Variants in SLC7A11 observed in about 807,000 individuals in gnomAD.
The protein encoded by SLC7A11 is solute carrier family 7 member 11, also known as cystine/glutamate transporter.
Under a neutral mutation model 54.5 loss-of-function variants are expected in SLC7A11, and 35 were observed. The ratio of observed to expected loss-of-function variants is 0.64; its 90% CI spans 0.49 to 0.85. SLC7A11 has a LOEUF of 0.85. Ranked by LOEUF, SLC7A11 falls within the 40% of genes least tolerant of loss-of-function variation. The pLI is 0.00. For synonymous variants in SLC7A11, 230 were observed against 225.2 expected (o/e 1.02, Z -0.19); for missense variants, 583 against 618.1 (o/e 0.94, Z 0.60).
chr4:138,236,362 C>G lies in SLC7A11; in HGVS notation c.367G>C (p.Ala123Pro). The change falls in exon 2 of 12, where the codon GCT becomes CCT. Residue 123 changes from alanine (A) to proline (P), a missense_variant. By Grantham distance (27) the Ala-to-Pro change is conservative. Transcript: ENST00000280612. ...AGTTCCACCCAGACTCGTACAAAAG[C>G]TGGTAATGGACCAAAGACTTCCAAA... is the stretch of plus-strand genomic sequence containing the variant. Reference protein sequence around the residue: ...YILEVFGPLPAFVRVWVELLI... With the variant: ...YILEVFGPLPPFVRVWVELLI... 6.2e-7 allele frequency: 1 copy of G among 1,613,448 alleles called. No individual in the cohort carries two copies. The highest frequency in any genetic ancestry group is 8.5e-7 in the Non-Finnish European group (1 of 1,179,604).
rs112006542 is a variant in SLC7A11 at position 138,184,641 on chromosome 4, C to T, written c.915+480G>A. Among the ~76,000 whole-genome samples the T allele has an allele frequency of 2.8e-3, 422 of 152,070 alleles. 4 individuals are homozygous for T. The highest frequency in any genetic ancestry group is 9.7e-3 in the African/African-American group (402 of 41,520). ...CAGTATTTCCTAAATTTATTAATATCGCAGGACTAGTATTCAAAAGGATAT... is the reference window on the plus strand; with the variant it reads ...CAGTATTTCCTAAATTTATTAATATTGCAGGACTAGTATTCAAAAGGATAT... On this transcript the variant is annotated intron_variant, in intron 7 of 11. Transcript: ENST00000280612.
chr4:138,228,774 AAAAAAAAAGAAC>A (rs1263751972), intron 3 of SLC7A11, among the ~76,000 whole-genome samples: 2 of 151,178 alleles, frequency 1.3e-5, no homozygotes, highest in Middle Eastern at 3.2e-3. Flanking sequence ...AAAAAAAAAA[AAAAAAAAAGAAC>A]AAACGAAAGT....
chr4:138,221,382 C>A (rs1307572151), intron 4 of SLC7A11, among the ~76,000 whole-genome samples: 2 of 152,114 alleles, frequency 1.3e-5, no homozygotes, highest in Non-Finnish European at 2.9e-5. Flanking sequence ...AATAAAAGCA[C>A]AATCTGTATT....
At chr4:138,172,539 G>C (rs1450306235) in intron 11 of SLC7A11, among the ~76,000 whole-genome samples, 1 of 152,056 alleles carries the variant, frequency 6.6e-6, no homozygotes, top group Admixed American at 6.6e-5. Flanking sequence ...CTCAAAGTGC[G>C]GTCCCTGGAC....
chr4:138,187,115 T>C (rs531756101), intron 6 of SLC7A11, among the ~76,000 whole-genome samples: 3 of 152,236 alleles, frequency 2.0e-5, no homozygotes, highest in East Asian at 1.9e-4. Context: ...AAATTTGGGA[T>C]TGTGGCTCTC....
At chr4:138,210,303 C>A (rs1737517242) in intron 6 of SLC7A11, among the ~76,000 whole-genome samples, 1 of 151,772 alleles carries the variant, frequency 6.6e-6, no homozygotes, top group African/African-American at 2.4e-5. Context: ...AGAAGAAAAC[C>A]TAGGAAGTAC....
chr4:138,191,178 G>C (rs1416071393), intron 6 of SLC7A11, among the ~76,000 whole-genome samples: 3 of 152,096 alleles, frequency 2.0e-5, no homozygotes, highest in Non-Finnish European at 4.4e-5. Context: ...TGATGATTCT[G>C]GGCCAAGGCT....
chr4:138,188,311 C>T (rs1736925261), intron 6 of SLC7A11, among the ~76,000 whole-genome samples: 1 of 152,170 alleles, frequency 6.6e-6, no homozygotes, highest in South Asian at 2.1e-4. Context: ...GATCCTCCTG[C>T]CTCGGCCTAC....
At chr4:138,199,385 G>A (rs1737219659) in intron 6 of SLC7A11, among the ~76,000 whole-genome samples, 1 of 151,998 alleles carries the variant, frequency 6.6e-6, no homozygotes, top group African/African-American at 2.4e-5. Flanking sequence ...CAATCATAAA[G>A]TTTTACTTTG....
chr4:138,189,145 T>A (rs1372537844), intron 6 of SLC7A11, among the ~76,000 whole-genome samples: 1 of 152,190 alleles, frequency 6.6e-6, no homozygotes, highest in African/African-American at 2.4e-5. Flanking sequence ...AAACATGTGC[T>A]TAGAAGCATT....
chr4:138,180,539 TGCTGCCC>T lies in SLC7A11; in HGVS notation c.1266+95_1266+101del. 7 of 1,146,966 alleles carry T rather than the reference TGCTGCCC, an allele frequency of 6.1e-6. No individual in the cohort carries two copies. The South Asian group carries it at 1.2e-4, about 19-fold the overall frequency. The allele number at this position is 1,146,966 out of a possible 1,614,324, so 71.0% of individuals were successfully genotyped here. ...GAGTTAAACATTTTTATTCCACAGATGCTGCCCCCAGCCCAACCTCCCCATCAGCAAG... is the reference window on the plus strand; with the variant it reads ...GAGTTAAACATTTTTATTCCACAGATCCAGCCCAACCTCCCCATCAGCAAG... On this transcript the variant is annotated intron_variant, in intron 10 of 11. Coordinates refer to ENST00000280612, the MANE Select transcript of SLC7A11 (RefSeq NM_014331.4).
At chr4:138,232,096 G>A (rs1430581879) in intron 3 of SLC7A11, among the ~76,000 whole-genome samples, 171 bp downstream of exon 3, 3 of 152,118 alleles carry the variant, frequency 2.0e-5, no homozygotes, top group African/African-American at 7.2e-5. Flanking sequence ...AACTGGCATG[G>A]AATACAGTAT....
At chr4:138,196,824 T>G (rs149331883) in intron 6 of SLC7A11, among the ~76,000 whole-genome samples, 4,195 of 152,122 alleles carry the variant, frequency 0.028, 214 homozygotes, top group African/African-American at 0.096. Context: ...CACACTCAGC[T>G]TATTTTTGTA....
At chr4:138,241,493 G>GT (rs1738377225) in intron 1 of SLC7A11, among the ~76,000 whole-genome samples, 2 of 152,088 alleles carry the variant, frequency 1.3e-5, no homozygotes, top group Non-Finnish European at 2.9e-5. Context: ...AAGTGTGCAT[G>GT]TTTTTTACTG....
At chr4:138,236,983 C>CTTTTTTTTTTTTTT (rs34896335) in intron 1 of SLC7A11, among the ~76,000 whole-genome samples, 1 of 111,920 alleles carries the variant, frequency 8.9e-6, no homozygotes, top group Non-Finnish European at 1.7e-5. Flanking sequence ...TGCAAGATTT[C>CTTTTTTTTTTTTTT]TTTTTTTTTT....
In SLC7A11 at chr4:138,170,759, G is replaced by C. The variant is rs2148405040; in HGVS notation, c.*1197C>G. ...GTGTGGAAATTACTGACAAAGCCTA[G>C]ATATAGAAGTGGAAATTTTCTAGAA... is the stretch of plus-strand genomic sequence containing the variant. On this transcript the variant is annotated 3_prime_UTR_variant, in exon 12 of 12. Coordinates refer to ENST00000280612, the MANE Select transcript of SLC7A11 (RefSeq NM_014331.4). 6.6e-6 allele frequency: 1 copy of C among 152,232 alleles called. No homozygotes were observed. The highest frequency in any genetic ancestry group is 2.1e-4 in the South Asian group (1 of 4,826). 9.4% of individuals were successfully genotyped at this position (152,232 alleles called of 1,614,324 possible). A position where few individuals can be genotyped will look rare whatever the true frequency, so the allele number is the denominator to read the frequency against.
intron 1 of SLC7A11, among the ~76,000 whole-genome samples, chr4:138,237,737 ATTTTTTTTTTTTTTTTTTT>A (rs1169641615): frequency 2.4e-3 from 24 of 9,824 alleles, no homozygotes; most frequent in African/African-American, 6.9e-3. Flanking sequence ...ATATATATAT[ATTTTTTTTTTTTTTTTTTT>A]TTTTTTTTTT....
intron 3 of SLC7A11, among the ~76,000 whole-genome samples, chr4:138,228,094 G>A (rs1254230783): frequency 2.0e-5 from 3 of 152,250 alleles, no homozygotes; most frequent in South Asian, 2.1e-4. Context: ...AAAGTAATAC[G>A]TTTGCAGAAC....
intron 3 of SLC7A11, among the ~76,000 whole-genome samples, chr4:138,227,256 T>C (rs541428666): frequency 2.6e-5 from 4 of 152,364 alleles, no homozygotes; most frequent in Non-Finnish European, 4.4e-5. Flanking sequence ...ATATTGTGTA[T>C]GTATGTTACA....
Sources: gnomAD v4.1 joint callset for allele counts (sites outside exome capture counted in the v4.1 genomes callset) on GRCh38, gnomAD v4.1.1 for gene constraint, MANE v1.5 for transcripts, NCBI Gene and HGNC (gene_info 2026-07-23, HGNC 2026-07-21) for gene names.